The following MACROD2 variants were observed in gnomAD, a reference collection of about 807,000 sequenced individuals.
The protein encoded by MACROD2 is mono-ADP ribosylhydrolase 2, also known as ADP-ribose glycohydrolase MACROD2.
In MACROD2, 36 loss-of-function variants were observed where a neutral mutation model predicts 70.4. That is an observed-to-expected ratio of 0.51 (90% CI 0.39 to 0.68). The LOEUF (loss-of-function observed/expected upper bound fraction) is 0.68, where lower values mean the gene tolerates loss of function less well. Ranked by LOEUF, MACROD2 falls within the 30% of genes least tolerant of loss-of-function variation. The pLI, the probability that MACROD2 is intolerant of heterozygous loss-of-function variation, is 0.00. For missense variants in MACROD2, 496 were observed against 538.4 expected (o/e 0.92, Z 0.78); for synonymous variants, 172 against 178.8 (o/e 0.96, Z 0.30).
intron 5 of MACROD2, among the ~76,000 whole-genome samples, chr20:15,110,264 C>T (rs1272104482): frequency 6.6e-6 from 1 of 152,018 alleles, no homozygotes; most frequent in African/African-American, 2.4e-5. Context: ...ATGAAATAGA[C>T]CATTTTTTCC....
At chr20:15,842,178 T>C (rs1037767498) in intron 8 of MACROD2, among the ~76,000 whole-genome samples, 1 of 152,130 alleles carries the variant, frequency 6.6e-6, no homozygotes, top group Non-Finnish European at 1.5e-5. Flanking sequence ...TTTCTTAGTA[T>C]TAAGGACCAC....
intron 3 of MACROD2, among the ~76,000 whole-genome samples, chr20:14,266,144 C>G (rs1351374873): frequency 6.6e-6 from 1 of 152,054 alleles, no homozygotes; most frequent in Non-Finnish European, 1.5e-5. Context: ...TGTTTTTTCT[C>G]CAAATCCTCA....
intron 6 of MACROD2, among the ~76,000 whole-genome samples, chr20:15,284,946 T>G (rs892060009): frequency 5.9e-5 from 9 of 152,222 alleles, no homozygotes; most frequent in Non-Finnish European, 1.2e-4. Flanking sequence ...TTGATAATGA[T>G]ATCTTGATGA....
chr20:14,885,769 T>C (rs1199377348), intron 5 of MACROD2, among the ~76,000 whole-genome samples: 1 of 152,226 alleles, frequency 6.6e-6, no homozygotes, highest in Non-Finnish European at 1.5e-5. Flanking sequence ...CTCTTCCTTC[T>C]TACCATCCTC....
intron 6 of MACROD2, among the ~76,000 whole-genome samples, chr20:15,348,510 G>A (rs1302364171): frequency 6.6e-6 from 1 of 152,136 alleles, no homozygotes; most frequent in Non-Finnish European, 1.5e-5. Context: ...GAATATGAGT[G>A]TGTATATTAG....
chr20:15,418,837 G>C (rs916645405), intron 6 of MACROD2, among the ~76,000 whole-genome samples: 2 of 152,098 alleles, frequency 1.3e-5, no homozygotes, highest in Non-Finnish European at 2.9e-5. Context: ...GGTCTCAGGG[G>C]GGCCTTTCTT....
At chr20:15,683,315 C>T (rs955542352) in intron 8 of MACROD2, among the ~76,000 whole-genome samples, 4 of 152,170 alleles carry the variant, frequency 2.6e-5, no homozygotes, top group Admixed American at 6.5e-5. Context: ...TCCTTCTCTC[C>T]ACAAAGCATT....
intron 7 of MACROD2, among the ~76,000 whole-genome samples, chr20:15,461,667 T>G (rs1377598500): frequency 4.6e-5 from 7 of 152,208 alleles, no homozygotes; most frequent in Non-Finnish European, 1.0e-4. Context: ...ATTATTCTTA[T>G]TATTAGTTGT....
intron 6 of MACROD2, among the ~76,000 whole-genome samples, chr20:15,387,184 T>C (rs948289844): frequency 6.6e-6 from 1 of 152,184 alleles, no homozygotes; most frequent in Non-Finnish European, 1.5e-5. Context: ...CATAAAAAGG[T>C]TATTTAGAAA....
intron 3 of MACROD2, among the ~76,000 whole-genome samples, chr20:14,104,037 A>ACACACACGCACATACACACACATAAC (rs1487500779): frequency 6.6e-6 from 1 of 152,124 alleles, no homozygotes; most frequent in African/African-American, 2.4e-5. Flanking sequence ...ATCTACATAC[A>ACACACACGCACATACACACACATAAC]CACACACGCA....
At position 14,801,333 on chromosome 20, in the gene MACROD2, G is replaced by A. The variant is rs548509502; in HGVS notation, c.418+116374G>A. On this transcript the variant is annotated intron_variant, in intron 5 of 17. Transcript: ENST00000684519. ...ACCCAAGCCTCAGTCCCTTAAGTCC[G>A]TGGACCATAATCATTAGACCAATTT... Among the ~76,000 whole-genome samples the A allele has an allele frequency of 6.6e-5, 10 of 152,188 alleles. No homozygotes were observed. The South Asian group carries it at 1.2e-3, about 19-fold the overall frequency.
At chr20:16,040,968 C>T (rs73898347) in intron 15 of MACROD2, among the ~76,000 whole-genome samples, 8,616 of 152,026 alleles carry the variant, frequency 0.057, 501 homozygotes, top group African/African-American at 0.14. Context: ...ATTTGAGAAA[C>T]TATATATGTA....
chr20:14,330,042 G>C (rs2082805172), intron 3 of MACROD2, among the ~76,000 whole-genome samples: 1 of 150,408 alleles, frequency 6.6e-6, no homozygotes, highest in Non-Finnish European at 1.5e-5. Flanking sequence ...TACTGAGTTT[G>C]AAAAAAAAAT....
At chr20:14,819,057 G>A (rs932268517) in intron 5 of MACROD2, among the ~76,000 whole-genome samples, 8 of 151,606 alleles carry the variant, frequency 5.3e-5, no homozygotes, top group African/African-American at 1.9e-4. Context: ...TTGAGGTCAG[G>A]AGTTCGAAAC....
At chr20:15,345,600 C>T (rs748669955) in intron 6 of MACROD2, among the ~76,000 whole-genome samples, 3 of 152,128 alleles carry the variant, frequency 2.0e-5, no homozygotes, top group Non-Finnish European at 4.4e-5. Flanking sequence ...TCTGTGCTGT[C>T]CAATATGGTA....
chr20:14,756,891 T>A (rs1432461136), intron 5 of MACROD2, among the ~76,000 whole-genome samples: 1 of 152,042 alleles, frequency 6.6e-6, no homozygotes, highest in African/African-American at 2.4e-5. Context: ...GATCTGACGG[T>A]CTTATAAGGG....
At chr20:14,889,409 G>A (rs2073723146) in intron 5 of MACROD2, among the ~76,000 whole-genome samples, 1 of 152,082 alleles carries the variant, frequency 6.6e-6, no homozygotes, top group Non-Finnish European at 1.5e-5. Flanking sequence ...AACTACAGCT[G>A]TAAATGGAGA....
At chr20:14,557,399 T>C (rs1979108577) in intron 4 of MACROD2, among the ~76,000 whole-genome samples, 1 of 151,900 alleles carries the variant, frequency 6.6e-6, no homozygotes, top group Non-Finnish European at 1.5e-5. Flanking sequence ...ATTGAAACTT[T>C]TGTGTTTCAA....
chr20:14,462,032 G>C lies in MACROD2; in HGVS notation c.272-31447G>C, dbSNP rs6131585. ...ATGTTGGGTATATACCCAGTAATGA[G>C]CATGGAATGTTCTTCCAGTAATGGG... On this transcript the variant is annotated intron_variant, in intron 3 of 17. Transcript: ENST00000684519. Among the ~76,000 whole-genome samples, 4 of 151,716 alleles carry C rather than the reference G, an allele frequency of 2.6e-5. 1 individual carries two copies. The highest frequency in any genetic ancestry group is 5.9e-5 in the Non-Finnish European group (4 of 67,930).
Sources: allele counts gnomAD v4.1 joint callset (sites outside exome capture counted in the v4.1 genomes callset), GRCh38; gene constraint gnomAD v4.1.1; transcripts MANE v1.5; gene names NCBI Gene and HGNC (gene_info 2026-07-23, HGNC 2026-07-21).